Variants in CXCR3 observed in about 807,000 individuals in gnomAD.
CXCR3 encodes C-X-C chemokine receptor type 3.
For missense variants in CXCR3, 239 were observed against 310.2 expected, an observed-to-expected ratio of 0.77 and a Z score of 1.72; for synonymous variants, 136 against 148.0, an observed-to-expected ratio of 0.92 and a Z score of 0.59.
Position 71,616,660 on chromosome X carries a change from TAGG to T in CXCR3, c.809_811del (p.Pro270_Tyr271delinsHis). On this transcript the variant is annotated inframe_deletion, in exon 2 of 2. Transcript: ENST00000373693. ...GATGTCCACCAGCACCACCAGGTGA[TAGG>T]GGGTCCAGCAGAGGGCAAAGGCCAC... is the stretch of plus-strand genomic sequence containing the variant. 8.3e-7 allele frequency: 1 copy of T among 1,210,812 alleles called. No homozygotes were observed. The highest frequency in any genetic ancestry group is 1.1e-6 in the Non-Finnish European group (1 of 895,138).
chrX:71,616,415 G>A lies in CXCR3; in HGVS notation c.1057C>T (p.Arg353Trp), dbSNP rs758728621. 8.3e-7 allele frequency: 1 copy of A among 1,208,216 alleles called. No homozygotes were observed. Among genetic ancestry groups the A allele is most frequent in the Non-Finnish European group, 1.1e-6 (1 of 893,546 alleles). ...GLQRQPSSSRRDSSWSETSEA... is the reference protein window; with the variant it reads ...GLQRQPSSSRWDSSWSETSEA... ...GAGGTCTCAGACCAGGATGAATCCC[G>A]GCGGGAAGACGATGGCTGCCTCTGG... The change falls in exon 2 of 2, where the codon CGG becomes TGG. Residue 353 changes from arginine (R) to tryptophan (W), a missense_variant. Coordinates refer to ENST00000373693, the MANE Select transcript of CXCR3 (RefSeq NM_001504.2).
chrX:71,617,724 C>T, intron 1 of CXCR3: 1 of 1,079,224 alleles, frequency 9.3e-7, no homozygotes, highest in Non-Finnish European at 1.2e-6. Flanking sequence ...AGAAGAGCGT[C>T]CCTCCAGTGC....
In CXCR3 at chrX:71,617,225, T is replaced by C; in HGVS notation, c.247A>G (p.Thr83Ala). The change falls in exon 2 of 2, where the codon ACA (threonine) becomes GCA (alanine). Residue 83 changes from threonine (T) to alanine (A), a missense_variant. Thr to Ala is a moderately conservative substitution (Grantham distance 58). Transcript: ENST00000373693. ...AVAAVLLSRR[T>A]ALSSTDTFLL... ...AAGGTGTCGGTGCTGCTCAGGGCTG[T>C]CCGCCGGCTCAGCAGCACGGCTGCC... 8.3e-7 allele frequency: 1 copy of C among 1,199,937 alleles called. No individual in the cohort carries two copies. Among genetic ancestry groups the C allele is most frequent in the African/African-American group, 1.7e-5 (1 of 57,639 alleles).
Position 71,617,462 on chromosome X carries a change from G to A in CXCR3, c.13-3C>T, listed in dbSNP as rs1356841081. 8.3e-7 allele frequency: 1 copy of A among 1,209,229 alleles called. No homozygotes were observed. Among genetic ancestry groups the A allele is most frequent in the African/African-American group, 1.8e-5 (1 of 57,071 alleles). On this transcript the variant is annotated splice_region_variant and splice_polypyrimidine_tract_variant and intron_variant, in intron 1 of 1. Coordinates refer to ENST00000373693, the MANE Select transcript of CXCR3 (RefSeq NM_001504.2). ...TTTAGCACTTGGTGGTCACTCACCTGTGAGGGCGGGAACGGGGAGGAAGGG... is the reference window on the plus strand; with the variant it reads ...TTTAGCACTTGGTGGTCACTCACCTATGAGGGCGGGAACGGGGAGGAAGGG...
At chrX:71,617,809 A>G in intron 1 of CXCR3, 2 of 609,862 alleles carry the variant, frequency 3.3e-6, no homozygotes, top group Non-Finnish European at 4.6e-6. Flanking sequence ...TCAGTGCCCC[A>G]CCCCCAACAC....
intron 1 of CXCR3, 40 bp downstream of exon 1, chrX:71,618,398 T>C (rs1321178243): frequency 5.0e-6 from 6 of 1,209,876 alleles, no homozygotes; most frequent in Non-Finnish European, 6.7e-6. Context: ...GGTTTTCCAC[T>C]TCGAATTCTG....
chrX:71,617,555 C>T (rs1336024423), intron 1 of CXCR3, 96 bp from the exon 2 acceptor site: 3 of 1,154,469 alleles, frequency 2.6e-6, no homozygotes. Flanking sequence ...TTACTCTGAG[C>T]AGCTCCTCCT....
intron 1 of CXCR3, chrX:71,617,707 G>A: frequency 1.8e-6 from 2 of 1,089,066 alleles, no homozygotes. Flanking sequence ...GGGACCCCTG[G>A]GCAGGAAGAA....
In CXCR3 at chrX:71,616,221, T is replaced by TC. The variant is rs762221745; in HGVS notation, c.*143dup. The TC allele has an allele frequency of 1.2e-3, 1,008 of 874,933 alleles. 9 individuals carry two copies. The highest frequency in any genetic ancestry group is 1.4e-4 in the Non-Finnish European group (92 of 654,401). The allele number at this position is 874,933 out of a possible 1,213,427, so 72.1% of individuals were successfully genotyped here. On this transcript the variant is annotated 3_prime_UTR_variant, in exon 2 of 2. Transcript: ENST00000373693. ...AGTCCTCAGAGCTGGGAGGGTGGCT[T>TC]CCCGGGAGACCTGGTGGTGCTGGGG...
chrX:71,616,345 G>A lies in CXCR3; in HGVS notation c.*20C>T. On this transcript the variant is annotated 3_prime_UTR_variant, in exon 2 of 2. Transcript: ENST00000373693. Reference sequence around the variant, plus strand: ...CGGGGAAGTCAGACTGTGGGCGAAAGGGGAGCCCGGATTCCGGCCTCACAA... The same window carrying A: ...CGGGGAAGTCAGACTGTGGGCGAAAAGGGAGCCCGGATTCCGGCCTCACAA... The A allele has an allele frequency of 8.6e-7, 1 of 1,167,091 alleles. No individual in the cohort carries two copies. The highest frequency in any genetic ancestry group is 1.1e-6 in the Non-Finnish European group (1 of 870,943).
At position 71,616,697 on chromosome X, in the gene CXCR3, C is replaced by T; in HGVS notation, c.775G>A (p.Val259Met). The change falls in exon 2 of 2, where the codon GTG (valine) becomes ATG (methionine). Residue 259 changes from valine to methionine, a missense_variant. Transcript: ENST00000373693. Reference sequence around the variant, plus strand: ...CAGAGGGCAAAGGCCACCACGACCACCACCACCAGCCGCATGGCCCGCAGG... The same window carrying T: ...CAGAGGGCAAAGGCCACCACGACCATCACCACCAGCCGCATGGCCCGCAGG... ...RRLRAMRLVV[V>M]VVVAFALCWT... is the part of the protein sequence containing the mutation. 2 of 1,209,577 alleles carry T rather than the reference C, an allele frequency of 1.7e-6. No individual in the cohort carries two copies.
Position 71,616,926 on chromosome X carries a change from GA to G in CXCR3, c.545del (p.Phe182SerfsTer115). On this transcript the variant is annotated frameshift_variant, in exon 2 of 2. Transcript: ENST00000373693. LOFTEE classifies it low-confidence loss of function (END_TRUNC). ...ACAGGAAGATGAAGTCTGGGAGGGC[GA>G]AAAGCAGGCAGAGCCCCCAGACAGC... The part of the protein sequence containing the change: ...CLAVWGLCLL[F>X]ALPDFIFLSA... 1 of 1,207,642 alleles carries G rather than the reference GA, an allele frequency of 8.3e-7. No homozygotes were observed. Among genetic ancestry groups the G allele is most frequent in the African/African-American group, 1.7e-5 (1 of 57,814 alleles).
chrX:71,616,420 G>C lies in CXCR3; in HGVS notation c.1052C>G (p.Ser351Cys), dbSNP rs2040847459. The change falls in exon 2 of 2, where the codon TCC becomes TGC. Residue 351 changes from serine to cysteine, a missense_variant. Ser to Cys is a moderately radical substitution (Grantham distance 112). Transcript: ENST00000373693. ...CTCAGACCAGGATGAATCCCGGCGG[G>C]AAGACGATGGCTGCCTCTGGAGCCC... ...QRGLQRQPSSSRRDSSWSETS... is the reference protein window; with the variant it reads ...QRGLQRQPSSCRRDSSWSETS... 1 of 1,207,353 alleles carries C rather than the reference G, an allele frequency of 8.3e-7. No homozygotes were observed. The highest frequency in any genetic ancestry group is 1.1e-6 in the Non-Finnish European group (1 of 893,775).
chrX:71,616,652 C>G lies in CXCR3; in HGVS notation c.820G>C (p.Val274Leu), dbSNP rs1276452769. The G allele has an allele frequency of 1.7e-6, 2 of 1,211,910 alleles. No homozygotes were observed. The highest frequency in any genetic ancestry group is 2.2e-6 in the Non-Finnish European group (2 of 895,498). The change falls in exon 2 of 2, where the codon GTG (valine) becomes CTG (leucine). Residue 274 changes from valine (V) to leucine (L), a missense_variant. By Grantham distance (32) the Val-to-Leu change is conservative. Transcript: ENST00000373693. Reference protein sequence around the residue: ...FALCWTPYHLVVLVDILMDLG... With the variant: ...FALCWTPYHLLVLVDILMDLG... ...TCCATGAGGATGTCCACCAGCACCACCAGGTGATAGGGGGTCCAGCAGAGG... is the reference window on the plus strand; with the variant it reads ...TCCATGAGGATGTCCACCAGCACCAGCAGGTGATAGGGGGTCCAGCAGAGG...
At position 71,617,244 on chromosome X, in the gene CXCR3, G is replaced by A. The variant is rs374595572; in HGVS notation, c.228C>T (p.Ala76=). The A allele has an allele frequency of 1.8e-5, 22 of 1,196,692 alleles. No individual in the cohort carries two copies. The highest frequency in any genetic ancestry group is 2.3e-5 in the Admixed American group (1 of 43,512). ...LGLLGNGAVA[A]VLLSRRTALS... is the part of the protein sequence containing the mutation. ...GGGCTGTCCGCCGGCTCAGCAGCAC[G>A]GCTGCCACCGCGCCGTTGCCCAGCA... is the stretch of plus-strand genomic sequence containing the variant. Residue 76 remains alanine (A), a synonymous_variant, in exon 2 of 2, where the codon GCC becomes GCT. Coordinates refer to ENST00000373693, the MANE Select transcript of CXCR3 (RefSeq NM_001504.2).
intron 1 of CXCR3, among the ~76,000 whole-genome samples, chrX:71,618,002 T>C: frequency 1.4e-5 from 1 of 72,079 alleles, no homozygotes; most frequent in Non-Finnish European, 2.5e-5. Context: ...TCCTTCCCCC[T>C]CCCTACACTG....
chrX:71,616,709 G>T lies in CXCR3; in HGVS notation c.763C>A (p.Arg255=), dbSNP rs776323716. The T allele has an allele frequency of 4.1e-6, 5 of 1,206,682 alleles. No homozygotes were observed. In the South Asian group the frequency reaches 8.9e-5, roughly 21 times the overall value. Residue 255 remains arginine (R), a synonymous_variant, in exon 2 of 2, where the codon CGG becomes AGG. Transcript: ENST00000373693. The part of the protein sequence containing the change: ...SRGQRRLRAM[R]LVVVVVVAFA... The stretch of plus-strand genomic sequence containing the variant: ...GCCACCACGACCACCACCACCAGCC[G>T]CATGGCCCGCAGGCGCCGCTGGCCC...
In CXCR3 at chrX:71,616,778, C is replaced by T. The variant is rs1189682892; in HGVS notation, c.694G>A (p.Ala232Thr). The T allele has an allele frequency of 1.7e-6, 2 of 1,204,946 alleles. No homozygotes were observed. The highest frequency in any genetic ancestry group is 2.2e-6 in the Non-Finnish European group (2 of 892,686). ...AGFLLPLLVM[A>T]YCYAHILAVL... The stretch of plus-strand genomic sequence containing the variant: ...GCCAGGATGTGGGCATAGCAGTAGG[C>T]CATGACCAGCAGGGGCAGCAGAAAG... The change falls in exon 2 of 2, where the codon GCC (alanine) becomes ACC (threonine). Residue 232 changes from alanine (A) to threonine (T), a missense_variant. Ala to Thr is a moderately conservative substitution (Grantham distance 58). Coordinates refer to ENST00000373693, the MANE Select transcript of CXCR3 (RefSeq NM_001504.2).
intron 1 of CXCR3, 22 bp downstream of exon 1, chrX:71,618,416 C>T: frequency 8.3e-7 from 1 of 1,211,458 alleles, no homozygotes; most frequent in Admixed American, 2.2e-5. Context: ...CTGGCCTGGC[C>T]TGGCTGGGCA....
Sources: gnomAD v4.1 joint callset for allele counts (sites outside exome capture counted in the v4.1 genomes callset) on GRCh38, gnomAD v4.1.1 for gene constraint, MANE v1.5 for transcripts, NCBI Gene and HGNC (gene_info 2026-07-23, HGNC 2026-07-21) for gene names.